Variants in ATG10 observed in about 807,000 individuals in gnomAD.
ATG10 encodes autophagy related 10.
In ATG10, 30 loss-of-function variants were observed where a neutral mutation model predicts 32.1. That is an observed-to-expected ratio of 0.94 (90% CI 0.70 to 1.27). The LOEUF (loss-of-function observed/expected upper bound fraction) is 1.27, where lower values mean the gene tolerates loss of function less well. Ranked by LOEUF, ATG10 falls within the 50% of genes most tolerant of loss-of-function variation. The pLI is 0.00. For synonymous variants in ATG10, 87 were observed against 91.5 expected (o/e 0.95, Z 0.28); for missense variants, 233 against 262.3 (o/e 0.89, Z 0.77).
At chr5:82,081,895 G>C (rs1764495216) in intron 3 of ATG10, among the ~76,000 whole-genome samples, 3 of 152,172 alleles carry the variant, frequency 2.0e-5, no homozygotes, top group South Asian at 4.1e-4. Context: ...GGAGGATTCT[G>C]TCTTTTTCTG....
At chr5:82,179,530 C>T (rs974120784) in intron 5 of ATG10, among the ~76,000 whole-genome samples, 6 of 151,794 alleles carry the variant, frequency 4.0e-5, no homozygotes, top group Non-Finnish European at 4.4e-5. Flanking sequence ...AATAGATCTG[C>T]AAAAGTAGAT....
At chr5:82,173,030 T>C (rs1240267243) in intron 4 of ATG10, among the ~76,000 whole-genome samples, 1 of 152,222 alleles carries the variant, frequency 6.6e-6, no homozygotes, top group Admixed American at 6.5e-5. Flanking sequence ...GAAGACAATA[T>C]ATTGAATAAT....
At chr5:82,054,402 G>A (rs544173355) in intron 2 of ATG10, among the ~76,000 whole-genome samples, 65 of 152,256 alleles carry the variant, frequency 4.3e-4, no homozygotes, top group African/African-American at 1.5e-3. Context: ...TAATGAGCTC[G>A]CAGCTTATGC....
chr5:82,010,157 T>C, intron 2 of ATG10: 1 of 1,324,494 alleles, frequency 7.6e-7, no homozygotes, highest in Non-Finnish European at 1.1e-6. Context: ...ATATTTCTTG[T>C]CCTCAAGGTC....
intron 5 of ATG10, among the ~76,000 whole-genome samples, chr5:82,190,141 C>G (rs2149943531): frequency 6.6e-6 from 1 of 152,112 alleles, no homozygotes; most frequent in Non-Finnish European, 1.5e-5. Flanking sequence ...GCGCTGTCTT[C>G]AAATAAAAGT....
chr5:82,161,464 C>T (rs1317068449), intron 3 of ATG10, among the ~76,000 whole-genome samples: 1 of 152,070 alleles, frequency 6.6e-6, no homozygotes, highest in African/African-American at 2.4e-5. Context: ...TCACCAGTTT[C>T]ACATACCTGG....
intron 2 of ATG10, among the ~76,000 whole-genome samples, chr5:82,023,184 A>T (rs941947132): frequency 2.0e-5 from 3 of 152,074 alleles, no homozygotes; most frequent in African/African-American, 7.2e-5. Flanking sequence ...AATTTGTTCT[A>T]AGGAAAAAAG....
At chr5:82,034,035 T>C (rs1762831625) in intron 2 of ATG10, among the ~76,000 whole-genome samples, 1 of 148,768 alleles carries the variant, frequency 6.7e-6, no homozygotes, top group South Asian at 2.1e-4. Context: ...ATATAAAATA[T>C]ACACTATATA....
chr5:82,016,697 T>C (rs1197675665), intron 2 of ATG10, among the ~76,000 whole-genome samples: 2 of 151,892 alleles, frequency 1.3e-5, no homozygotes, highest in Admixed American at 6.5e-5. Context: ...TTCTTTCTTT[T>C]TTTTTTTTTG....
intron 2 of ATG10, among the ~76,000 whole-genome samples, chr5:82,048,283 T>C (rs1204990369): frequency 4.9e-5 from 7 of 141,854 alleles, no homozygotes; most frequent in African/African-American, 8.0e-5. Context: ...ATGGGGATGG[T>C]ATTGAATCTG....
intron 2 of ATG10, among the ~76,000 whole-genome samples, chr5:82,051,771 C>A (rs895907276): frequency 1.3e-5 from 2 of 152,130 alleles, no homozygotes; most frequent in Admixed American, 1.3e-4. Context: ...TCTGGAGGAT[C>A]TTCTACATCC....
rs146473959 is a variant in ATG10, at chr5:82,125,467, T to C, written c.217-38932T>C. Among the ~76,000 whole-genome samples the C allele has an allele frequency of 5.1e-4, 77 of 152,212 alleles. 2 individuals are homozygous for C. The East Asian group carries it at 9.5e-3, about 19-fold the overall frequency. Reference sequence around the variant, plus strand: ...ATTTTTGCGTAATGTGTAAGGAAAGTGTCCAGTTTCAGTTTTCTGCATATG... The same window carrying C: ...ATTTTTGCGTAATGTGTAAGGAAAGCGTCCAGTTTCAGTTTTCTGCATATG... On this transcript the variant is annotated intron_variant, in intron 3 of 7. Coordinates refer to ENST00000282185, the MANE Select transcript of ATG10 (RefSeq NM_031482.5).
intron 5 of ATG10, among the ~76,000 whole-genome samples, chr5:82,227,164 G>A (rs1462967832): frequency 6.6e-6 from 1 of 151,904 alleles, no homozygotes; most frequent in Non-Finnish European, 1.5e-5. Flanking sequence ...ATCTGCTTGA[G>A]AAGGCACCTG....
intron 1 of ATG10, among the ~76,000 whole-genome samples, chr5:81,986,030 C>G (rs1561239920): frequency 6.6e-6 from 1 of 151,990 alleles, no homozygotes; most frequent in Non-Finnish European, 1.5e-5. Flanking sequence ...CCCCAAAGTG[C>G]TGGGATTACA....
At chr5:82,181,766 T>C (rs1189794380) in intron 5 of ATG10, among the ~76,000 whole-genome samples, 1 of 152,158 alleles carries the variant, frequency 6.6e-6, no homozygotes, top group Non-Finnish European at 1.5e-5. Flanking sequence ...ATTGTGCTCA[T>C]ATAGTTTGTT....
At chr5:82,163,244 T>G (rs1743436460) in intron 3 of ATG10, among the ~76,000 whole-genome samples, 1 of 152,232 alleles carries the variant, frequency 6.6e-6, no homozygotes, top group South Asian at 2.1e-4. Context: ...ATTTCCATGA[T>G]TTCTTTCTGT....
At chr5:82,061,761 CATAT>C (rs933334894) in intron 3 of ATG10, among the ~76,000 whole-genome samples, 1 of 111,290 alleles carries the variant, frequency 9.0e-6, no homozygotes, top group Non-Finnish European at 1.8e-5. Context: ...TGTGTATATA[CATAT>C]ATATACATGT....
intron 5 of ATG10, among the ~76,000 whole-genome samples, chr5:82,191,748 A>G (rs35666877): frequency 0.049 from 7,435 of 152,294 alleles, 272 homozygotes; most frequent in Non-Finnish European, 0.075. Flanking sequence ...GTTTTAGGTC[A>G]TGAACCCCTT....
At chr5:81,981,080 G>A (rs563741777) in intron 1 of ATG10, among the ~76,000 whole-genome samples, 94 of 152,290 alleles carry the variant, frequency 6.2e-4, no homozygotes, top group Middle Eastern at 3.4e-3. Context: ...TCTGTTGTTA[G>A]GACTGATACG....
Sources: gnomAD v4.1 joint callset for allele counts (sites outside exome capture counted in the v4.1 genomes callset) on GRCh38, gnomAD v4.1.1 for gene constraint, MANE v1.5 for transcripts, NCBI Gene and HGNC (gene_info 2026-07-23, HGNC 2026-07-21) for gene names.